The following TUBA8 variants were observed in gnomAD, a reference collection of about 807,000 sequenced individuals.
TUBA8 encodes the protein tubulin alpha 8.
Under a neutral mutation model 34.7 loss-of-function variants are expected in TUBA8, and 29 were observed. The ratio of observed to expected loss-of-function variants is 0.84; its 90% CI spans 0.62 to 1.14. The LOEUF (loss-of-function observed/expected upper bound fraction) is 1.14, where lower values mean the gene tolerates loss of function less well. Among genes scored for constraint, TUBA8 ranks in the 50% most tolerant of loss-of-function variants. The pLI is 0.00. For missense variants in TUBA8, 541 were observed against 599.2 expected, an observed-to-expected ratio of 0.90 and a Z score of 1.01; for synonymous variants, 226 against 231.2, an observed-to-expected ratio of 0.98 and a Z score of 0.21.
Position 18,126,649 on chromosome 22 carries a change from A to G in TUBA8, c.671A>G (p.Tyr224Cys). 1 of 1,614,066 alleles carries G rather than the reference A, an allele frequency of 6.2e-7. No homozygotes were observed. The highest frequency in any genetic ancestry group is 2.2e-5 in the East Asian group (1 of 44,882). Residue 224 changes from tyrosine (Y) to cysteine (C), a missense_variant, in exon 4 of 5, where the codon TAT becomes TGT. Coordinates refer to ENST00000330423, the MANE Select transcript of TUBA8 (RefSeq NM_018943.3). This position sits in a 1 kb window ranked among gnomAD's most constrained non-coding sequence, Gnocchi z 4.0. ...AACCTTGACATTGAGCGCCCTACCT[A>G]TACCAACCTCAACCGCCTCATCAGT... ...RRNLDIERPT[Y>C]TNLNRLISQI... is the part of the protein sequence containing the mutation.
Position 18,121,706 on chromosome 22 carries a change from G to T in TUBA8, c.226+5G>T. ...ATCTGGAGCCTACTGTAGTGGGTGA[G>T]TGGGGGCGGAGTTCCCCTCCACAGA... On this transcript the variant is annotated splice_donor_5th_base_variant and intron_variant, in intron 2 of 4. Coordinates refer to ENST00000330423, the MANE Select transcript of TUBA8 (RefSeq NM_018943.3). This position sits in a 1 kb window ranked among gnomAD's most constrained non-coding sequence, Gnocchi z 4.8. The T allele has an allele frequency of 6.2e-7, 1 of 1,613,766 alleles. No individual in the cohort carries two copies. The highest frequency in any genetic ancestry group is 2.2e-5 in the East Asian group (1 of 44,882).
At position 18,131,199 on chromosome 22, in the gene TUBA8, A is replaced by G; in HGVS notation, c.*63A>G. On this transcript the variant is annotated 3_prime_UTR_variant, in exon 5 of 5. Transcript: ENST00000330423. The surrounding 1 kb of genome is among the most constrained non-coding windows in gnomAD (Gnocchi z 5.3). ...GCTGTGCCATTCAAAGCACATGTTC[A>G]AGAGAACAGAACACTCTCCCCGCCC... is the stretch of plus-strand genomic sequence containing the variant. 6.4e-7 allele frequency: 1 copy of G among 1,550,478 alleles called. No homozygotes were observed.
chr22:18,131,059 T>C lies in TUBA8; in HGVS notation c.1273T>C (p.Leu425=). 1.2e-6 allele frequency: 2 copies of C among 1,614,136 alleles called. No individual in the cohort carries two copies. The highest frequency in any genetic ancestry group is 1.7e-6 in the Non-Finnish European group (2 of 1,179,978). Residue 425 remains leucine, a synonymous_variant, in exon 5 of 5, where the codon TTA becomes CTA. Coordinates refer to ENST00000330423, the MANE Select transcript of TUBA8 (RefSeq NM_018943.3). This position sits in a 1 kb window ranked among gnomAD's most constrained non-coding sequence, Gnocchi z 5.3. ...EGEFSEARED[L]AALEKDYEEV... ...AGAATTTTCTGAGGCCAGGGAAGAC[T>C]TAGCTGCCCTGGAGAAGGATTATGA...
rs958897403 is a variant in TUBA8, at chr22:18,124,924, A to T, written c.375+620A>T. 2.0e-5 allele frequency: 3 copies of T among 152,394 alleles called. No individual in the cohort carries two copies. The highest frequency in any genetic ancestry group is 6.5e-5 in the Admixed American group (1 of 15,320). 9.4% of individuals were successfully genotyped at this position (152,394 alleles called of 1,614,324 possible). A position where few individuals can be genotyped will look rare whatever the true frequency, so the allele number is the denominator to read the frequency against. ...CATTTGCTTATCTGTATAATGGAAA[A>T]GCTTGGACCTGATCACATGTTCTTT... On this transcript the variant is annotated intron_variant, in intron 3 of 4. Transcript: ENST00000330423. The surrounding 1 kb of genome is among the most constrained non-coding windows in gnomAD (Gnocchi z 4.3).
intron 3 of TUBA8, chr22:18,125,397 C>G (rs1338712308): frequency 1.3e-5 from 2 of 151,818 alleles, no homozygotes; most frequent in African/African-American, 4.8e-5. Flanking sequence ...CGCCTGTAGT[C>G]CCAGCTACTC....
At chr22:18,115,028 A>G (rs1379131127) in intron 1 of TUBA8, 1 of 152,056 alleles carries the variant, frequency 6.6e-6, no homozygotes, top group Non-Finnish European at 1.5e-5. Flanking sequence ...AAGTTCTAGA[A>G]TTTCTTTTAT....
Position 18,124,478 on chromosome 22 carries a change from C to G in TUBA8, c.375+174C>G. ...AAGAAGCATGCACAGGGGTGATGCCCCTTCCTCTGTGTTGGCATCATAGAC... is the reference window on the plus strand; with the variant it reads ...AAGAAGCATGCACAGGGGTGATGCCGCTTCCTCTGTGTTGGCATCATAGAC... On this transcript the variant is annotated intron_variant, in intron 3 of 4. Coordinates refer to ENST00000330423, the MANE Select transcript of TUBA8 (RefSeq NM_018943.3). This position sits in a 1 kb window ranked among gnomAD's most constrained non-coding sequence, Gnocchi z 4.3. 1.4e-6 allele frequency: 1 copy of G among 711,090 alleles called. No homozygotes were observed. The highest frequency in any genetic ancestry group is 2.8e-5 in the East Asian group (1 of 36,154). The allele number at this position is 711,090 out of a possible 1,614,324, so 44.0% of individuals were successfully genotyped here. A position where few individuals can be genotyped will look rare whatever the true frequency, so the allele number is the denominator to read the frequency against.
In TUBA8 at chr22:18,125,967, T is replaced by A. The variant is rs147269162; in HGVS notation, c.376-387T>A. On this transcript the variant is annotated intron_variant, in intron 3 of 4. Coordinates refer to ENST00000330423, the MANE Select transcript of TUBA8 (RefSeq NM_018943.3). ...GCCATGAGCTCCTGGGCTCAAGTGA[T>A]CCTCCCACCTCAGCATCCCAAGTAA... 8.4e-3 allele frequency: 2,374 copies of A among 284,038 alleles called. 44 individuals are homozygous for A. Among genetic ancestry groups the A allele is most frequent in the African/African-American group, 0.049 (2,203 of 45,182 alleles). 17.6% of individuals were successfully genotyped at this position (284,038 alleles called of 1,614,324 possible).
rs1350957541 is a variant in TUBA8 at position 18,127,037 on chromosome 22, G to A, written c.1056+3G>A. ...ACTGGTGTCCCACAGGCTTCAAGGT[G>A]AGAGCTGATGACTTAGGAAGGGGAG... On this transcript the variant is annotated splice_donor_region_variant and intron_variant, in intron 4 of 4. Transcript: ENST00000330423. The A allele has an allele frequency of 2.5e-6, 4 of 1,614,126 alleles. No individual in the cohort carries two copies. Among genetic ancestry groups the A allele is most frequent in the Admixed American group, 1.7e-5 (1 of 60,020 alleles).
chr22:18,120,259 G>A (rs895106951), intron 1 of TUBA8: 1 of 152,212 alleles, frequency 6.6e-6, no homozygotes, highest in Non-Finnish European at 1.5e-5. Flanking sequence ...GTACCCAATA[G>A]TTAGTTTTCC....
chr22:18,125,815 G>A (rs1928294192), intron 3 of TUBA8: 1 of 158,824 alleles, frequency 6.3e-6, no homozygotes, highest in African/African-American at 2.4e-5. Context: ...CAAGTTACTG[G>A]GCTGAAACCT....
Position 18,121,457 on chromosome 22 carries a change from C to T in TUBA8, c.4-22C>T, listed in dbSNP as rs745822596. 9 of 1,608,858 alleles carry T rather than the reference C, an allele frequency of 5.6e-6. No individual in the cohort carries two copies. The highest frequency in any genetic ancestry group is 4.5e-5 in the East Asian group (2 of 44,842). ...GCTGGGGGCCCAGACTCTCTGACCT[C>T]GTTGCTTCCCTCTCCCCACAGCGGG... On this transcript the variant is annotated intron_variant, in intron 1 of 4. Coordinates refer to ENST00000330423, the MANE Select transcript of TUBA8 (RefSeq NM_018943.3). This position sits in a 1 kb window ranked among gnomAD's most constrained non-coding sequence, Gnocchi z 4.8.
intron 4 of TUBA8, chr22:18,128,482 C>T (rs1928406675): frequency 6.6e-6 from 1 of 152,228 alleles, no homozygotes; most frequent in Non-Finnish European, 1.5e-5. Flanking sequence ...CAGATTCTGC[C>T]ATCATAACAG....
intron 1 of TUBA8, chr22:18,115,583 C>G (rs1652583180): frequency 6.6e-6 from 1 of 152,294 alleles, no homozygotes; most frequent in Non-Finnish European, 1.5e-5. Flanking sequence ...GAACAGGCAG[C>G]TATAATACGG....
At chr22:18,115,472 C>T (rs1196778967) in intron 1 of TUBA8, 1 of 152,214 alleles carries the variant, frequency 6.6e-6, no homozygotes, top group Non-Finnish European at 1.5e-5. Context: ...TGAGCACCTG[C>T]TACATTCAAG....
rs372287327 is a variant in TUBA8 at position 18,124,073 on chromosome 22, C to T, written c.227-83C>T. On this transcript the variant is annotated intron_variant, in intron 2 of 4. Transcript: ENST00000330423. The surrounding 1 kb of genome is among the most constrained non-coding windows in gnomAD (Gnocchi z 4.3). Reference sequence around the variant, plus strand: ...ATGGAGTTTTATAGGTAGGGGAGAACGGAAGGGGTCCTGCGGTAGTGTGGT... The same window carrying T: ...ATGGAGTTTTATAGGTAGGGGAGAATGGAAGGGGTCCTGCGGTAGTGTGGT... 1.8e-5 allele frequency: 28 copies of T among 1,562,134 alleles called. No homozygotes were observed. The highest frequency in any genetic ancestry group is 8.5e-5 in the Admixed American group (5 of 58,832).
chr22:18,124,327 C>G lies in TUBA8; in HGVS notation c.375+23C>G. ...CTGGTAAGATCAGGAGGGCAGGGGA[C>G]GGGTGGGTCAGGCTGGAGTGGACAG... On this transcript the variant is annotated intron_variant, in intron 3 of 4. Coordinates refer to ENST00000330423, the MANE Select transcript of TUBA8 (RefSeq NM_018943.3). This position sits in a 1 kb window ranked among gnomAD's most constrained non-coding sequence, Gnocchi z 4.3. 1 of 1,577,924 alleles carries G rather than the reference C, an allele frequency of 6.3e-7. No individual in the cohort carries two copies. The highest frequency in any genetic ancestry group is 8.6e-7 in the Non-Finnish European group (1 of 1,160,954).
At chr22:18,127,163 T>G (rs923423929) in intron 4 of TUBA8, 129 bp downstream of exon 4, 4 of 915,276 alleles carry the variant, frequency 4.4e-6, no homozygotes, top group Non-Finnish European at 5.0e-6. Flanking sequence ...CAACCAAATG[T>G]AACATGAATG....
chr22:18,124,421 C>T lies in TUBA8; in HGVS notation c.375+117C>T. On this transcript the variant is annotated intron_variant, in intron 3 of 4. Coordinates refer to ENST00000330423, the MANE Select transcript of TUBA8 (RefSeq NM_018943.3). The surrounding 1 kb of genome is among the most constrained non-coding windows in gnomAD (Gnocchi z 4.3). ...GACCCCTGGCTATAGGATGGAGCTC[C>T]TAAGGTTTGGGAATTTCTGCTTAAA... The T allele has an allele frequency of 2.3e-6, 3 of 1,283,074 alleles. No homozygotes were observed. Among genetic ancestry groups the T allele is most frequent in the South Asian group, 1.5e-5 (1 of 64,868 alleles). The allele number at this position is 1,283,074 out of a possible 1,614,324, so 79.5% of individuals were successfully genotyped here.
Sources: gnomAD v4.1 joint callset for allele counts on GRCh38, gnomAD v4.1.1 for gene constraint, Gnocchi (gnomAD v3.1) non-coding constraint, MANE v1.5 for transcripts, NCBI Gene and HGNC (gene_info 2026-07-23, HGNC 2026-07-21) for gene names.